PLSCR4: variants seen among roughly 807,000 people sequenced by gnomAD.
PLSCR4 encodes the protein Ca(2+)-dependent phospholipid scramblase 4.
Under a neutral mutation model 36.3 loss-of-function variants are expected in PLSCR4, and 25 were observed. That is an observed-to-expected ratio of 0.69 (90% CI 0.50 to 0.96). The LOEUF is 0.96. PLSCR4 is among the 40% of genes least tolerant of loss of function. The pLI is 0.00. For synonymous variants in PLSCR4, 122 were observed against 132.9 expected (o/e 0.92, Z 0.56); for missense variants, 408 against 414.7 (o/e 0.98, Z 0.14).
chr3:146,224,469 C>G (rs9870547), intron 1 of PLSCR4, among the ~76,000 whole-genome samples: 1 of 149,682 alleles, frequency 6.7e-6, no homozygotes, highest in South Asian at 2.1e-4. Context: ...CTTAAGGTGG[C>G]GCATCTGGAG....
Position 146,192,499 on chromosome 3 carries a change from A to T in PLSCR4, c.*1912T>A, listed in dbSNP as rs941217102. On this transcript the variant is annotated 3_prime_UTR_variant, in exon 9 of 9. Transcript: ENST00000354952. ...TCATGTGAATTGTATTAAAACTATG[A>T]CATATGACAATATTATATAAAGAAA... 6.6e-6 allele frequency: 1 copy of T among 151,450 alleles called. No individual in the cohort carries two copies. The highest frequency in any genetic ancestry group is 6.6e-5 in the Admixed American group (1 of 15,204). The allele number at this position is 151,450 out of a possible 1,614,324, so 9.4% of individuals were successfully genotyped here.
Position 146,199,749 on chromosome 3 carries a change from A to T in PLSCR4, c.624+64T>A, listed in dbSNP as rs913882013. The stretch of plus-strand genomic sequence containing the variant: ...AATATCCTCCCTATGTAGTGGAAGG[A>T]GCACACTATGCCATGAAGAGTTAGA... On this transcript the variant is annotated intron_variant, in intron 6 of 8. Coordinates refer to ENST00000354952, the MANE Select transcript of PLSCR4 (RefSeq NM_020353.3). The T allele has an allele frequency of 8.6e-6, 11 of 1,281,524 alleles. No homozygotes were observed. In the African/African-American group the frequency reaches 1.2e-4, roughly 14 times the overall value. 79.4% of individuals were successfully genotyped at this position (1,281,524 alleles called of 1,614,324 possible).
chr3:146,220,269 G>A (rs2035075115), intron 3 of PLSCR4, among the ~76,000 whole-genome samples: 1 of 152,102 alleles, frequency 6.6e-6, no homozygotes, highest in Admixed American at 6.6e-5. Flanking sequence ...ATCACCAGTA[G>A]TGCACTCAGA....
intron 1 of PLSCR4, among the ~76,000 whole-genome samples, chr3:146,240,549 G>A: frequency 6.6e-6 from 1 of 152,208 alleles, no homozygotes; most frequent in East Asian, 1.9e-4. Context: ...AGGCTGCACT[G>A]AGCTATGACT....
At position 146,193,631 on chromosome 3, in the gene PLSCR4, T is replaced by C. The variant is rs2033536614; in HGVS notation, c.*780A>G. 6.6e-6 allele frequency: 1 copy of C among 152,208 alleles called. No homozygotes were observed. The allele number at this position is 152,208 out of a possible 1,614,324, so 9.4% of individuals were successfully genotyped here. Reference sequence around the variant, plus strand: ...TGTATAAATGTATTAAATGCAAGCTTCATATAATGACACCAATGTCTCTAA... The same window carrying C: ...TGTATAAATGTATTAAATGCAAGCTCCATATAATGACACCAATGTCTCTAA... On this transcript the variant is annotated 3_prime_UTR_variant, in exon 9 of 9. Transcript: ENST00000354952.
chr3:146,199,753 C>G, intron 6 of PLSCR4, 60 bp downstream of exon 6: 1 of 1,321,386 alleles, frequency 7.6e-7, no homozygotes, highest in African/African-American at 1.4e-5. Context: ...GGAAGGAGCA[C>G]ACTATGCCAT....
In PLSCR4 at chr3:146,195,238, C is replaced by T. The variant is rs1298159947; in HGVS notation, c.831G>A (p.Arg277=). ...TTGCTGATAACAAACCATTCCACTT[C>T]CGGATAATACTGCCGATGTTGGATA... ...DGISNIGSII[R]KWNGLLSAMA... The change falls in exon 8 of 9, where the codon CGG becomes CGA. Residue 277 remains arginine (R), a synonymous_variant. Transcript: ENST00000354952. The T allele has an allele frequency of 6.2e-7, 1 of 1,613,760 alleles. No individual in the cohort carries two copies. The highest frequency in any genetic ancestry group is 1.1e-5 in the South Asian group (1 of 91,046).
intron 1 of PLSCR4, among the ~76,000 whole-genome samples, chr3:146,243,391 T>C (rs2036226587): frequency 1.3e-5 from 2 of 152,222 alleles, no homozygotes; most frequent in South Asian, 4.1e-4. Context: ...AACTGTGTTG[T>C]CATTTATTCT....
chr3:146,234,324 G>A (rs913423225), intron 1 of PLSCR4, among the ~76,000 whole-genome samples: 3 of 152,146 alleles, frequency 2.0e-5, no homozygotes, highest in Non-Finnish European at 4.4e-5. Context: ...GCAGGGGAAT[G>A]AGCATCCCTA....
chr3:146,225,270 C>G (rs1049821564), intron 1 of PLSCR4, among the ~76,000 whole-genome samples: 5 of 151,430 alleles, frequency 3.3e-5, no homozygotes, highest in Non-Finnish European at 5.9e-5. Context: ...CACAAACCTT[C>G]AGCTAAACAC....
At chr3:146,216,163 G>A (rs143750593) in intron 3 of PLSCR4, among the ~76,000 whole-genome samples, 75 of 152,234 alleles carry the variant, frequency 4.9e-4, no homozygotes, top group Admixed American at 1.0e-3. Flanking sequence ...CCCGGGAAGC[G>A]GAGGTTACAG....
At chr3:146,240,198 T>C (rs1307844488) in intron 1 of PLSCR4, among the ~76,000 whole-genome samples, 6 of 152,266 alleles carry the variant, frequency 3.9e-5, no homozygotes, top group Admixed American at 3.9e-4. Flanking sequence ...GACATCTCAA[T>C]TGAAAAATGG....
rs1334159200 is a variant in PLSCR4, at chr3:146,193,441, CT to C, written c.*969del. 3.3e-5 allele frequency: 5 copies of C among 152,044 alleles called. No homozygotes were observed. The highest frequency in any genetic ancestry group is 2.6e-4 in the Admixed American group (4 of 15,266). 9.4% of individuals were successfully genotyped at this position (152,044 alleles called of 1,614,324 possible). A position where few individuals can be genotyped will look rare whatever the true frequency, so the allele number is the denominator to read the frequency against. On this transcript the variant is annotated 3_prime_UTR_variant, in exon 9 of 9. Transcript: ENST00000354952. ...CAGCATGGTGATCACGAAGGATCTT[CT>C]TGAAAAAAACAAAAACAAAAACAAA... is the stretch of plus-strand genomic sequence containing the variant.
In PLSCR4 at chr3:146,222,198, A is replaced by C. The variant is rs2035189991; in HGVS notation, c.-21-106T>G. On this transcript the variant is annotated intron_variant, in intron 1 of 8. Coordinates refer to ENST00000354952, the MANE Select transcript of PLSCR4 (RefSeq NM_020353.3). ...TCTGTAATTTTTTTAACCTCCAGTT[A>C]CCTTACATTTGTCCCTTCATTAATT... 7.2e-6 allele frequency: 3 copies of C among 417,426 alleles called. No homozygotes were observed. In the South Asian group the frequency reaches 1.6e-4, roughly 22 times the overall value. The allele number at this position is 417,426 out of a possible 1,614,324, so 25.9% of individuals were successfully genotyped here.
chr3:146,239,721 TA>T (rs1469763700), intron 1 of PLSCR4, among the ~76,000 whole-genome samples: 1 of 151,662 alleles, frequency 6.6e-6, no homozygotes, highest in African/African-American at 2.4e-5. Context: ...CCACTTCTAC[TA>T]AAAATACAAA....
intron 1 of PLSCR4, among the ~76,000 whole-genome samples, chr3:146,224,816 C>A (rs2035368450): frequency 6.6e-6 from 1 of 151,390 alleles, no homozygotes; most frequent in Admixed American, 6.6e-5. Flanking sequence ...AATCCCTGCG[C>A]TAGATACAAA....
intron 1 of PLSCR4, among the ~76,000 whole-genome samples, chr3:146,250,112 A>G (rs1948191820): frequency 6.6e-6 from 1 of 152,216 alleles, no homozygotes; most frequent in South Asian, 2.1e-4. Context: ...ATTCACAACC[A>G]TGTCACAGAG....
At chr3:146,237,706 C>A (rs900810234) in intron 1 of PLSCR4, among the ~76,000 whole-genome samples, 4 of 151,768 alleles carry the variant, frequency 2.6e-5, no homozygotes, top group African/African-American at 9.7e-5. Flanking sequence ...ACAGCCAAAG[C>A]AATGTTTTGA....
rs548732397 is a variant in PLSCR4, at chr3:146,192,611, T to C, written c.*1800A>G. 2.6e-5 allele frequency: 4 copies of C among 151,944 alleles called. No homozygotes were observed. The highest frequency in any genetic ancestry group is 5.9e-5 in the Non-Finnish European group (4 of 67,922). The allele number at this position is 151,944 out of a possible 1,614,324, so 9.4% of individuals were successfully genotyped here. A position where few individuals can be genotyped will look rare whatever the true frequency, so the allele number is the denominator to read the frequency against. ...TGCTAAATATATATAGATATATTTA[T>C]TATGATGCAGCAGGTTTTGGAATAC... On this transcript the variant is annotated 3_prime_UTR_variant, in exon 9 of 9. Transcript: ENST00000354952.
Sources: allele counts gnomAD v4.1 joint callset (sites outside exome capture counted in the v4.1 genomes callset), GRCh38; gene constraint gnomAD v4.1.1; transcripts MANE v1.5; gene names NCBI Gene and HGNC (gene_info 2026-07-23, HGNC 2026-07-21).